Variants in AGAP2 observed in about 807,000 individuals in gnomAD.
The protein encoded by AGAP2 is ArfGAP with GTPase domain, ankyrin repeat and PH domain 2.
AGAP2 carries 32 observed loss-of-function variants against 110.9 expected under a neutral mutation model. The observed-to-expected ratio is 0.29, with a 90% confidence interval of 0.22 to 0.39. The LOEUF is 0.39. AGAP2 is among the 10% of genes least tolerant of loss of function. AGAP2 has a pLI of 1.00. For missense variants in AGAP2, 1,285 were observed against 1,638.5 expected (o/e 0.78, Z 3.72); for synonymous variants, 702 against 713.0 (o/e 0.98, Z 0.25).
chr12:57,726,957 C>A lies in AGAP2; in HGVS notation c.3336+17G>T, dbSNP rs748301985. ...TGAAGCCTCAAAGACCCCCTTTCCT[C>A]CCCCCAGCTCACGTACCCACAGCAG... is the stretch of plus-strand genomic sequence containing the variant. On this transcript the variant is annotated intron_variant, in intron 18 of 18. Coordinates refer to ENST00000547588, the MANE Select transcript of AGAP2 (RefSeq NM_001122772.3). The surrounding 1 kb of genome is among the most constrained non-coding windows in gnomAD (Gnocchi z 5.7). The A allele has an allele frequency of 2.2e-5, 34 of 1,524,006 alleles. No individual in the cohort carries two copies. The highest frequency in any genetic ancestry group is 3.0e-5 in the Non-Finnish European group (34 of 1,139,196). The allele number at this position is 1,524,006 out of a possible 1,614,324, so 94.4% of individuals were successfully genotyped here.
At chr12:57,731,048 A>T in intron 10 of AGAP2, 95 bp from the exon 11 acceptor site, 1 of 1,347,520 alleles carries the variant, frequency 7.4e-7, no homozygotes, top group Non-Finnish European at 9.8e-7. Flanking sequence ...GGGACTGGGG[A>T]GGGGTCTTGG....
chr12:57,741,452 C>CGTGTGT (rs148891707), upstream of AGAP2, among the ~76,000 whole-genome samples: 1 of 150,770 alleles, frequency 6.6e-6, no homozygotes, highest in Non-Finnish European at 1.5e-5. Context: ...AATGTGCATG[C>CGTGTGT]GTGTGTGTGT....
Position 57,737,931 on chromosome 12 carries a change from G to C in AGAP2, c.316C>G (p.Pro106Ala), listed in dbSNP as rs1418935086. Residue 106 changes from proline (P) to alanine (A), a missense_variant, in exon 1 of 19, where the codon CCC (proline) becomes GCC (alanine). Physicochemically the swap from Pro to Ala is conservative, Grantham distance 27. Transcript: ENST00000547588. The surrounding 1 kb of genome is among the most constrained non-coding windows in gnomAD (Gnocchi z 5.9). ...AGGGAGAGGCGGCGGCCGGGAGCGG[G>C]GGAGACTGGGCGGGCCGGACTGGCC... ...APASPARPVS[P>A]APGRRLSLWA... 1.4e-6 allele frequency: 2 copies of C among 1,392,650 alleles called. No individual in the cohort carries two copies. Among genetic ancestry groups the C allele is most frequent in the African/African-American group, 3.1e-5 (2 of 64,972 alleles). 86.3% of individuals were successfully genotyped at this position (1,392,650 alleles called of 1,614,324 possible). A position where few individuals can be genotyped will look rare whatever the true frequency, so the allele number is the denominator to read the frequency against.
rs1245248193 is a variant in AGAP2 at position 57,738,492 on chromosome 12, TGCTGCTCCAGGGAG to T, written c.-260_-247del. On this transcript the variant is annotated 5_prime_UTR_variant, in exon 1 of 19. Coordinates refer to ENST00000547588, the MANE Select transcript of AGAP2 (RefSeq NM_001122772.3). The surrounding 1 kb of genome is among the most constrained non-coding windows in gnomAD (Gnocchi z 6.7). Reference sequence around the variant, plus strand: ...CCCTCTTGGAGCCCCGGGACCTTGGTGCTGCTCCAGGGAGGCGCGCCGGACCGTCCACCCCGGCC... The same window carrying T: ...CCCTCTTGGAGCCCCGGGACCTTGGTGCGCGCCGGACCGTCCACCCCGGCC... Among the ~76,000 whole-genome samples the T allele has an allele frequency of 2.9e-4, 44 of 151,608 alleles. 2 individuals are homozygous for T. Among genetic ancestry groups the T allele is most frequent in the Non-Finnish European group, 7.4e-5 (5 of 67,796 alleles).
chr12:57,731,256 GA>G lies in AGAP2; in HGVS notation c.2145+109del. 3 of 948,996 alleles carry G rather than the reference GA, an allele frequency of 3.2e-6. No individual in the cohort carries two copies. In the South Asian group the frequency reaches 4.4e-5, roughly 14 times the overall value. The allele number at this position is 948,996 out of a possible 1,614,324, so 58.8% of individuals were successfully genotyped here. On this transcript the variant is annotated intron_variant, in intron 10 of 18. Coordinates refer to ENST00000547588, the MANE Select transcript of AGAP2 (RefSeq NM_001122772.3). ...CACATGCCTGCTAAACTTAAGAGAA[GA>G]GGACTAGCACTTCCTAGAAATGAGG...
chr12:57,735,217 G>C, intron 2 of AGAP2, 152 bp downstream of exon 2: 2 of 714,686 alleles, frequency 2.8e-6, no homozygotes, highest in Admixed American at 5.2e-5. Context: ...CCCCATGTTG[G>C]TGCTATGAAG....
At chr12:57,741,704 A>G (rs117771651), upstream of AGAP2, among the ~76,000 whole-genome samples, 1,837 of 152,248 alleles carry the variant, frequency 0.012, 12 homozygotes, top group Middle Eastern at 0.037. Context: ...CTGTATTTTG[A>G]TCTCCTGGGA....
At chr12:57,728,972 A>G (rs898731655) in intron 13 of AGAP2, among the ~76,000 whole-genome samples, 10 of 152,124 alleles carry the variant, frequency 6.6e-5, no homozygotes, top group South Asian at 2.1e-4. Flanking sequence ...TCAGGAGATC[A>G]AGACCATCCT....
intron 13 of AGAP2, among the ~76,000 whole-genome samples, chr12:57,729,039 G>A (rs12296750): frequency 0.1 from 15,779 of 151,894 alleles, 1,091 homozygotes; most frequent in Admixed American, 0.21. Context: ...AGCCGGGCAT[G>A]GTGGCAAGTG....
In AGAP2 at chr12:57,732,421, G is replaced by A. The variant is rs766449044; in HGVS notation, c.1776C>T (p.Ser592=). Residue 592 remains serine (S), a synonymous_variant, in exon 7 of 19, where the codon TCC becomes TCT. Coordinates refer to ENST00000547588, the MANE Select transcript of AGAP2 (RefSeq NM_001122772.3). ...LPSSPSHSAA[S]TPVAGQASNG... is the part of the protein sequence containing the mutation. Reference sequence around the variant, plus strand: ...AACTCACCTGGCCAGCTACCGGAGTGGATGCAGCTGAGTGGCTTGGGGAGC... The same window carrying A: ...AACTCACCTGGCCAGCTACCGGAGTAGATGCAGCTGAGTGGCTTGGGGAGC... 1.2e-6 allele frequency: 2 copies of A among 1,605,580 alleles called. No homozygotes were observed. Among genetic ancestry groups the A allele is most frequent in the Non-Finnish European group, 1.7e-6 (2 of 1,175,620 alleles).
chr12:57,728,433 A>G, intron 13 of AGAP2, 56 bp from the exon 14 acceptor site: 1 of 1,570,930 alleles, frequency 6.4e-7, no homozygotes, highest in Non-Finnish European at 8.7e-7. Flanking sequence ...ACAGAGAAAG[A>G]GAGACCAAGA....
At chr12:57,728,779 G>A (rs1312532065) in intron 13 of AGAP2, among the ~76,000 whole-genome samples, 3 of 152,142 alleles carry the variant, frequency 2.0e-5, no homozygotes, top group African/African-American at 7.2e-5. Context: ...TGGGGCTGGT[G>A]GCGGTGGGGG....
intron 14 of AGAP2, 59 bp downstream of exon 14, chr12:57,728,259 G>T (rs1269932618): frequency 6.3e-7 from 1 of 1,591,356 alleles, no homozygotes. Context: ...GGGAAGGCGG[G>T]GGCACCCCCA....
intron 14 of AGAP2, 51 bp downstream of exon 14, chr12:57,728,267 C>T (rs767767727): frequency 3.4e-5 from 55 of 1,599,340 alleles, no homozygotes; most frequent in Non-Finnish European, 4.7e-5. Context: ...GGGGGCACCC[C>T]CACCCTTCTG....
chr12:57,741,912 C>T (rs1175030594), upstream of AGAP2: 3 of 1,613,244 alleles, frequency 1.9e-6, no homozygotes, highest in Non-Finnish European at 2.5e-6. Flanking sequence ...TTTCTCTTAC[C>T]TCGAATGCTG....
Position 57,734,352 on chromosome 12 carries a change from T to C in AGAP2, c.1368A>G (p.Leu456=), listed in dbSNP as rs1409163892. 1 of 1,614,086 alleles carries C rather than the reference T, an allele frequency of 6.2e-7. No individual in the cohort carries two copies. Among genetic ancestry groups the C allele is most frequent in the Non-Finnish European group, 8.5e-7 (1 of 1,180,034 alleles). ...MLVDGQTHLV[L]IREEAGAPDA... ...CAGGTGCCCCAGCTTCCTCTCGGAT[T>C]AGCACCAGATGTGTCTGTCCATCCA... Residue 456 remains leucine (L), a synonymous_variant, in exon 4 of 19, where the codon CTA becomes CTG. Transcript: ENST00000547588.
chr12:57,737,133 A>T lies in AGAP2; in HGVS notation c.1114T>A (p.Ser372Thr). Residue 372 changes from serine (S) to threonine (T), a missense_variant, in exon 1 of 19, where the codon TCT becomes ACT. Physicochemically the swap from Ser to Thr is moderately conservative, Grantham distance 58. This residue lies in a region of AGAP2 where 844 missense variants were observed against 941.2 expected (regional missense o/e 0.90). Coordinates refer to ENST00000547588, the MANE Select transcript of AGAP2 (RefSeq NM_001122772.3). This position sits in a 1 kb window ranked among gnomAD's most constrained non-coding sequence, Gnocchi z 5.9. ...AGCTCCCTGGACCCGCTGCCAGAAG[A>T]CAGGCTGGGGGGTCCGGGAAGGGGC... ...SGPLPGPPSL[S>T]SGSGSRELLG... 1 of 1,567,958 alleles carries T rather than the reference A, an allele frequency of 6.4e-7. No homozygotes were observed. The highest frequency in any genetic ancestry group is 8.6e-7 in the Non-Finnish European group (1 of 1,157,282).
downstream of AGAP2, chr12:57,725,119 C>T (rs1954738833): frequency 6.5e-6 from 1 of 153,278 alleles, no homozygotes; most frequent in Non-Finnish European, 1.5e-5. Context: ...CTGCCTGTCC[C>T]TGTCCAACCC....
chr12:57,742,117 G>A (rs1955084342), upstream of AGAP2: 1 of 1,597,260 alleles, frequency 6.3e-7, no homozygotes, highest in Non-Finnish European at 8.5e-7. Flanking sequence ...CTCTGGCCCT[G>A]AGGCCCATGG....
Sources: allele counts gnomAD v4.1 joint callset (sites outside exome capture counted in the v4.1 genomes callset), GRCh38; gene constraint gnomAD v4.1.1; regional missense constraint gnomAD v4.1.1; non-coding constraint Gnocchi (gnomAD v3.1); transcripts MANE v1.5; gene names NCBI Gene and HGNC (gene_info 2026-07-23, HGNC 2026-07-21).